PRELID2: variants seen among roughly 807,000 people sequenced by gnomAD.
PRELID2 encodes the protein PRELI domain-containing protein 2.
Under a neutral mutation model 28.4 loss-of-function variants are expected in PRELID2, and 25 were observed. The observed-to-expected ratio is 0.88, with a 90% confidence interval of 0.64 to 1.23. The LOEUF (loss-of-function observed/expected upper bound fraction) is 1.23, where lower values mean the gene tolerates loss of function less well. PRELID2 is among the 50% of genes most tolerant of loss of function. The pLI is 0.00. For synonymous variants in PRELID2, 76 were observed against 71.6 expected (o/e 1.06, Z -0.31); for missense variants, 201 against 214.4 (o/e 0.94, Z 0.39).
intron 1 of PRELID2, among the ~76,000 whole-genome samples, chr5:145,623,961 G>T (rs1433035): frequency 0.13 from 19,602 of 151,994 alleles, 1,794 homozygotes; most frequent in African/African-American, 0.23. Context: ...CCAAGTTGTC[G>T]CCAGTACGTC....
intron 5 of PRELID2, among the ~76,000 whole-genome samples, chr5:145,765,887 T>G (rs1757722106): frequency 6.6e-6 from 1 of 152,140 alleles, no homozygotes; most frequent in African/African-American, 2.4e-5. Context: ...TTTAAATAAT[T>G]TCCCCGAAGT....
At chr5:145,408,153 G>C in the PRELID2 span, among the ~76,000 whole-genome samples, 2 of 152,030 alleles carry the variant, frequency 1.3e-5, no homozygotes, top group Admixed American at 1.3e-4. Context: ...CTGAACCGCA[G>C]CCCTTGAGGT....
At chr5:145,357,836 C>T in the PRELID2 span, among the ~76,000 whole-genome samples, 8 of 151,834 alleles carry the variant, frequency 5.3e-5, 1 homozygote, top group African/African-American at 1.9e-4. Context: ...TTTGAGTTGC[C>T]AGAGATCCCA....
At chr5:145,783,577 T>A (rs1221899288) in intron 5 of PRELID2, among the ~76,000 whole-genome samples, 2 of 152,144 alleles carry the variant, frequency 1.3e-5, no homozygotes, top group East Asian at 3.8e-4. Flanking sequence ...ACTAAATCAA[T>A]CTATCTGAGC....
intron 1 of PRELID2, among the ~76,000 whole-genome samples, chr5:145,744,400 G>A (rs1756931931): frequency 6.6e-6 from 1 of 152,204 alleles, no homozygotes; most frequent in Admixed American, 6.5e-5. Context: ...TCAACTGGGT[G>A]AGACCCTCCA....
intron 1 of PRELID2, among the ~76,000 whole-genome samples, chr5:145,713,564 C>A (rs1311199405): frequency 7.5e-6 from 1 of 133,030 alleles, no homozygotes; most frequent in Non-Finnish European, 1.6e-5. Context: ...TTTATATATA[C>A]TTTATATATA....
At chr5:145,432,585 T>A in the PRELID2 span, among the ~76,000 whole-genome samples, 1 of 152,142 alleles carries the variant, frequency 6.6e-6, no homozygotes, top group Admixed American at 6.6e-5. Context: ...ATCTGATCCA[T>A]TACATGTTTG....
chr5:145,741,696 TATAA>T (rs1203869655), intron 1 of PRELID2, among the ~76,000 whole-genome samples: 5 of 9,088 alleles, frequency 5.5e-4, no homozygotes, highest in African/African-American at 1.4e-3. Flanking sequence ...TTTATTTATA[TATAA>T]ATAATTTATT....
intron 1 of PRELID2, among the ~76,000 whole-genome samples, chr5:145,545,650 G>A (rs373557374): frequency 3.4e-4 from 52 of 152,128 alleles, no homozygotes; most frequent in African/African-American, 1.2e-3. Flanking sequence ...CCTTGGCCTC[G>A]GTCATGCAAC....
At chr5:145,382,666 C>T in the PRELID2 span, among the ~76,000 whole-genome samples, 1 of 151,868 alleles carries the variant, frequency 6.6e-6, no homozygotes, top group Non-Finnish European at 1.5e-5. Context: ...GTACACAAAA[C>T]CAGAGAACTA....
rs938364038 is a variant in PRELID2, at chr5:145,670,126, T to G, written n.70+94805A>C. On this transcript the variant is annotated intron_variant and non_coding_transcript_variant, in intron 1 of 2. Transcript: ENST00000510259. ...AATTTATAAACAAAAGAGGTTTATT[T>G]GGCTTGCACTTCTGCCAGCTGTCCA... is the stretch of plus-strand genomic sequence containing the variant. 3.9e-5 allele frequency among the ~76,000 whole-genome samples: 6 copies of G among 152,184 alleles called. No homozygotes were observed. In the East Asian group the frequency reaches 9.6e-4, roughly 24 times the overall value.
chr5:145,599,665 A>G (rs971976713), intron 1 of PRELID2, among the ~76,000 whole-genome samples: 6 of 152,172 alleles, frequency 3.9e-5, no homozygotes, highest in Non-Finnish European at 8.8e-5. Context: ...GTAGCATTTG[A>G]CATGTACTTA....
chr5:145,745,980 C>T (rs1756980991), intron 1 of PRELID2, among the ~76,000 whole-genome samples: 1 of 152,132 alleles, frequency 6.6e-6, no homozygotes, highest in African/African-American at 2.4e-5. Context: ...GATTTAGTTA[C>T]CACCAGGCCT....
chr5:145,827,430 T>C (rs573666896), intron 1 of PRELID2, among the ~76,000 whole-genome samples: 1 of 152,220 alleles, frequency 6.6e-6, no homozygotes, highest in South Asian at 2.1e-4. Flanking sequence ...AATAGGATGA[T>C]GAAATAGAAA....
chr5:145,249,444 T>C, the PRELID2 span, among the ~76,000 whole-genome samples: 1 of 152,266 alleles, frequency 6.6e-6, no homozygotes, highest in African/African-American at 2.4e-5. Flanking sequence ...CCTCAGAGGA[T>C]TGGACAATGG....
chr5:145,267,744 T>C, the PRELID2 span, among the ~76,000 whole-genome samples: 2 of 152,166 alleles, frequency 1.3e-5, no homozygotes, highest in African/African-American at 4.8e-5. Context: ...CTGCTCTCCA[T>C]AGTGGTCGTG....
the PRELID2 span, among the ~76,000 whole-genome samples, chr5:145,390,393 C>T: frequency 6.6e-6 from 1 of 152,164 alleles, no homozygotes; most frequent in African/African-American, 2.4e-5. Flanking sequence ...AACTTAAAAT[C>T]ATGGTGGACA....
the PRELID2 span, among the ~76,000 whole-genome samples, chr5:145,432,832 C>T: frequency 6.6e-6 from 1 of 152,134 alleles, no homozygotes; most frequent in South Asian, 2.1e-4. Context: ...CTATATAAAT[C>T]TCTGAACCAT....
intron 1 of PRELID2, among the ~76,000 whole-genome samples, chr5:145,525,118 G>T (rs1752596429): frequency 6.6e-6 from 1 of 152,138 alleles, no homozygotes. Flanking sequence ...TCACAGTCAG[G>T]TTGTATTATT....
Sources: gnomAD v4.1 joint callset for allele counts (sites outside exome capture counted in the v4.1 genomes callset) on GRCh38, gnomAD v4.1.1 for gene constraint, MANE v1.5 for transcripts, NCBI Gene and HGNC (gene_info 2026-07-23, HGNC 2026-07-21) for gene names.